Variants in BMPR1A observed in about 807,000 individuals in gnomAD.
The protein encoded by BMPR1A is bone morphogenetic protein receptor type-1A.
In BMPR1A, 7 loss-of-function variants were observed where a neutral mutation model predicts 66.0. The ratio of observed to expected loss-of-function variants is 0.11; its 90% CI spans 0.06 to 0.20. BMPR1A has a LOEUF of 0.20. Among genes scored for constraint, BMPR1A ranks in the 10% least tolerant of loss-of-function variants. The pLI, the probability that BMPR1A is intolerant of heterozygous loss-of-function variation, is 1.00. For missense variants in BMPR1A, 408 were observed against 669.1 expected, an observed-to-expected ratio of 0.61 and a Z score of 4.31; for synonymous variants, 200 against 229.7, an observed-to-expected ratio of 0.87 and a Z score of 1.17.
In BMPR1A at chr10:86,758,057, T is replaced by A. The variant is rs73346154; in HGVS notation, c.-268+1138T>A. Among the ~76,000 whole-genome samples the A allele has an allele frequency of 0.012, 1,787 of 152,344 alleles. 39 individuals are homozygous for A. Among genetic ancestry groups the A allele is most frequent in the African/African-American group, 0.041 (1,688 of 41,562 alleles). ...CTTAATGCGTCTCATTGTTTTCAGT[T>A]GTTGAAATAAAGAATGTGAACCAGA... On this transcript the variant is annotated intron_variant, in intron 1 of 12. Coordinates refer to ENST00000372037, the MANE Select transcript of BMPR1A (RefSeq NM_004329.3).
intron 8 of BMPR1A, 74 bp from the exon 9 acceptor site, chr10:86,917,060 A>G (rs1843580959): frequency 6.6e-7 from 1 of 1,514,796 alleles, no homozygotes; most frequent in Non-Finnish European, 9.1e-7. Context: ...TTTTGATGAG[A>G]TGGACTACCC....
intron 5 of BMPR1A, among the ~76,000 whole-genome samples, chr10:86,898,994 C>T (rs917340576): frequency 3.9e-5 from 6 of 152,198 alleles, no homozygotes; most frequent in Admixed American, 2.6e-4. Context: ...TCTGAAGTCA[C>T]AGGCTCATGT....
chr10:86,888,584 C>T lies in BMPR1A; in HGVS notation c.68-1478C>T, dbSNP rs1286455175. On this transcript the variant is annotated intron_variant, in intron 3 of 12. Transcript: ENST00000372037. ...GCTCACGGCTATATTCCCAGCACTTCGGGAGGCTGAGGCGGGAGGATCGCT... is the reference window on the plus strand; with the variant it reads ...GCTCACGGCTATATTCCCAGCACTTTGGGAGGCTGAGGCGGGAGGATCGCT... 2.6e-5 allele frequency among the ~76,000 whole-genome samples: 4 copies of T among 152,110 alleles called. 1 individual carries two copies. The highest frequency in any genetic ancestry group is 4.2e-4 in the South Asian group (2 of 4,810).
intron 2 of BMPR1A, among the ~76,000 whole-genome samples, chr10:86,868,588 G>A (rs1254787428): frequency 1.3e-5 from 2 of 152,212 alleles, no homozygotes; most frequent in Admixed American, 6.5e-5. Context: ...GCTGCCTGGC[G>A]GGGAGGGACC....
chr10:86,777,778 C>T (rs2132689392), intron 1 of BMPR1A, among the ~76,000 whole-genome samples: 1 of 152,066 alleles, frequency 6.6e-6, no homozygotes, highest in Admixed American at 6.5e-5. Context: ...CTTTGGAAGG[C>T]TGAGGCAGGT....
intron 2 of BMPR1A, among the ~76,000 whole-genome samples, chr10:86,860,986 C>T (rs968838100): frequency 1.3e-5 from 2 of 151,572 alleles, no homozygotes; most frequent in African/African-American, 2.4e-5. Context: ...GGACTACAGG[C>T]GCCCGCCACC....
At position 86,900,655 on chromosome 10, in the gene BMPR1A, A is replaced by G. The variant is rs528015622; in HGVS notation, c.530+529A>G. 1.4e-4 allele frequency among the ~76,000 whole-genome samples: 21 copies of G among 152,370 alleles called. No homozygotes were observed. In the South Asian group the frequency reaches 3.7e-3, roughly 27 times the overall value. Reference sequence around the variant, plus strand: ...AAGTACATACAGCAATTTAGCATATAATAAAGGAAACACTTCAGATTACTG... The same window carrying G: ...AAGTACATACAGCAATTTAGCATATGATAAAGGAAACACTTCAGATTACTG... On this transcript the variant is annotated intron_variant, in intron 7 of 12. Coordinates refer to ENST00000372037, the MANE Select transcript of BMPR1A (RefSeq NM_004329.3).
intron 1 of BMPR1A, among the ~76,000 whole-genome samples, chr10:86,833,803 T>C (rs1842305749): frequency 6.6e-6 from 1 of 152,236 alleles, no homozygotes; most frequent in Non-Finnish European, 1.5e-5. Context: ...ATGATGTATC[T>C]GTTCCTAAGT....
At chr10:86,790,179 AAAAAAAAAAATATATAT>A (rs1841584553) in intron 1 of BMPR1A, among the ~76,000 whole-genome samples, 1 of 42,982 alleles carries the variant, frequency 2.3e-5, no homozygotes, top group African/African-American at 1.3e-4. Flanking sequence ...AAAAAAAAAA[AAAAAAAAAAATATATAT>A]ATATATATAT....
chr10:86,767,689 C>T (rs1841189597), intron 1 of BMPR1A, among the ~76,000 whole-genome samples: 1 of 152,106 alleles, frequency 6.6e-6, no homozygotes, highest in African/African-American at 2.4e-5. Context: ...ACAAACAAAA[C>T]ATATATTTTA....
chr10:86,910,057 G>A (rs142443845), intron 7 of BMPR1A, among the ~76,000 whole-genome samples: 165 of 152,272 alleles, frequency 1.1e-3, no homozygotes, highest in African/African-American at 3.9e-3. Context: ...AGGTGGCCGG[G>A]CGCAGTGGCA....
At chr10:86,913,961 G>T (rs559352566) in intron 8 of BMPR1A, among the ~76,000 whole-genome samples, 1 of 152,122 alleles carries the variant, frequency 6.6e-6, no homozygotes, top group Non-Finnish European at 1.5e-5. Flanking sequence ...CAATTTTGAA[G>T]TAGAAGAACA....
chr10:86,773,078 C>G (rs1199023422), intron 1 of BMPR1A, among the ~76,000 whole-genome samples: 2 of 150,288 alleles, frequency 1.3e-5, no homozygotes, highest in East Asian at 3.9e-4. Context: ...GTGGGGGTAT[C>G]TGAATAGAAA....
intron 1 of BMPR1A, among the ~76,000 whole-genome samples, chr10:86,757,843 AG>A (rs1266307621): frequency 1.3e-5 from 2 of 152,234 alleles, no homozygotes; most frequent in Middle Eastern, 3.2e-3. Flanking sequence ...ATTTGAACCC[AG>A]GAACATCGTA....
intron 1 of BMPR1A, among the ~76,000 whole-genome samples, chr10:86,773,128 C>CT (rs1554876952): frequency 2.3e-3 from 264 of 113,200 alleles, no homozygotes; most frequent in East Asian, 2.8e-3. Context: ...TTCTAGTTAT[C>CT]TTTTTTTTTT....
At position 86,912,214 on chromosome 10, in the gene BMPR1A, T is replaced by C; in HGVS notation, c.531-26T>C. ...GTTTTATAGTTTTTCATTTTTAATG[T>C]AGATTGTTTTCTGCTTTTTTAAAAG... On this transcript the variant is annotated intron_variant, in intron 7 of 12. Transcript: ENST00000372037. 6 of 1,611,470 alleles carry C rather than the reference T, an allele frequency of 3.7e-6. No homozygotes were observed. The South Asian group carries it at 6.6e-5, about 18-fold the overall frequency.
chr10:86,920,706 C>G (rs545262095), intron 10 of BMPR1A, among the ~76,000 whole-genome samples: 1 of 152,080 alleles, frequency 6.6e-6, no homozygotes, highest in African/African-American at 2.4e-5. Flanking sequence ...TTGATGGGAC[C>G]CATAAAGAAG....
rs549601715 is a variant in BMPR1A, at chr10:86,839,262, G to A, written c.-153+283G>A. ...CCTTTTAGAAGATAAGCATTAAATG[G>A]TTTATATGTTTATTTCTTCCCCCTA... is the stretch of plus-strand genomic sequence containing the variant. On this transcript the variant is annotated intron_variant, in intron 2 of 12. Transcript: ENST00000372037. Among the ~76,000 whole-genome samples, 355 of 152,172 alleles carry A rather than the reference G, an allele frequency of 2.3e-3. 3 individuals are homozygous for A. Among genetic ancestry groups the A allele is most frequent in the South Asian group, 0.016 (76 of 4,822 alleles).
chr10:86,921,571 C>T lies in BMPR1A; in HGVS notation c.1218C>T (p.Arg406=), dbSNP rs1383345723. Residue 406 remains arginine, a synonymous_variant, in exon 11 of 13, where the codon CGC becomes CGT. Coordinates refer to ENST00000372037, the MANE Select transcript of BMPR1A (RefSeq NM_004329.3). ...TGAATACCAGGGTGGGCACCAAACG[C>T]TACATGGCTCCCGAAGTGCTGGACG... is the stretch of plus-strand genomic sequence containing the variant. The part of the protein sequence containing the change: ...VPLNTRVGTK[R]YMAPEVLDES... The T allele has an allele frequency of 6.2e-7, 1 of 1,614,044 alleles. No homozygotes were observed. Among genetic ancestry groups the T allele is most frequent in the Non-Finnish European group, 8.5e-7 (1 of 1,180,022 alleles).
Sources: allele counts gnomAD v4.1 joint callset (sites outside exome capture counted in the v4.1 genomes callset), GRCh38; gene constraint gnomAD v4.1.1; transcripts MANE v1.5; gene names NCBI Gene and HGNC (gene_info 2026-07-23, HGNC 2026-07-21).